PIP5K1C: variants seen among roughly 807,000 people sequenced by gnomAD.
PIP5K1C encodes phosphatidylinositol 4-phosphate 5-kinase type-1 gamma.
Under a neutral mutation model 80.1 loss-of-function variants are expected in PIP5K1C, and 45 were observed. That is an observed-to-expected ratio of 0.56 (90% CI 0.44 to 0.72). PIP5K1C has a LOEUF of 0.72. Ranked by LOEUF, PIP5K1C falls within the 30% of genes least tolerant of loss-of-function variation. The pLI is 0.00. For synonymous variants in PIP5K1C, 498 were observed against 420.1 expected (o/e 1.19, Z -2.27); for missense variants, 753 against 954.6 (o/e 0.79, Z 2.78).
At chr19:3,643,699 C>T (rs1181434452) in intron 12 of PIP5K1C, among the ~76,000 whole-genome samples, 2 of 150,848 alleles carry the variant, frequency 1.3e-5, no homozygotes, top group Non-Finnish European at 3.0e-5. Flanking sequence ...TTCCCCTCCG[C>T]GCTGCTTGGC....
Position 3,688,896 on chromosome 19 carries a change from T to C in PIP5K1C, c.94+11401A>G, listed in dbSNP as rs2035857703. Among the ~76,000 whole-genome samples the C allele has an allele frequency of 6.8e-6, 1 of 146,480 alleles. No individual in the cohort carries two copies. Among genetic ancestry groups the C allele is most frequent in the South Asian group, 2.4e-4 (1 of 4,190 alleles). ...GCCCCCGGTCCCCCTTCCAGCCTTGTCCCCAACACAGCCTGCAAATGGGCG... is the reference window on the plus strand; with the variant it reads ...GCCCCCGGTCCCCCTTCCAGCCTTGCCCCCAACACAGCCTGCAAATGGGCG... On this transcript the variant is annotated intron_variant, in intron 1 of 17. Transcript: ENST00000335312. The surrounding 1 kb of genome is among the most constrained non-coding windows in gnomAD (Gnocchi z 5.3).
chr19:3,647,629 C>T (rs1006263192), intron 9 of PIP5K1C, among the ~76,000 whole-genome samples: 6 of 152,132 alleles, frequency 3.9e-5, no homozygotes, highest in African/African-American at 7.2e-5. Flanking sequence ...TCCATAGTAC[C>T]GAGGGGGTGA....
intron 1 of PIP5K1C, among the ~76,000 whole-genome samples, chr19:3,677,118 A>G (rs1292432048): frequency 6.6e-6 from 1 of 151,914 alleles, no homozygotes; most frequent in Non-Finnish European, 1.5e-5. Context: ...AAAATAAAAT[A>G]AAATAAAATA....
chr19:3,633,518 G>A lies in PIP5K1C; in HGVS notation c.1923C>T (p.Pro641=). ...AGTACACCCAGCTCCTCTCATCGGTGGGCTGGCAGGTGGGCGCGCGTGCAG... is the reference window on the plus strand; with the variant it reads ...AGTACACCCAGCTCCTCTCATCGGTAGGCTGGCAGGTGGGCGCGCGTGCAG... ...EDAPATDIYF[P]TDERSWVYSP... The change falls in exon 17 of 18, where the codon CCC becomes CCT. Residue 641 remains proline (P), a splice_region_variant and synonymous_variant. Coordinates refer to ENST00000335312, the MANE Select transcript of PIP5K1C (RefSeq NM_012398.3). 6 of 1,493,888 alleles carry A rather than the reference G, an allele frequency of 4.0e-6. No homozygotes were observed. The highest frequency in any genetic ancestry group is 5.4e-6 in the Non-Finnish European group (6 of 1,116,736). 92.5% of individuals were successfully genotyped at this position (1,493,888 alleles called of 1,614,324 possible).
rs770747887 is a variant in PIP5K1C at position 3,648,724 on chromosome 19, G to A, written c.1128-16C>T. 7.5e-6 allele frequency: 12 copies of A among 1,609,234 alleles called. No homozygotes were observed. The highest frequency in any genetic ancestry group is 3.3e-4 in the Middle Eastern group (2 of 6,050). ...CCCGCCCATCCTGGGGAGAGAGGCC[G>A]AGGGTACCATCAGCATCCCGCAGAG... is the stretch of plus-strand genomic sequence containing the variant. On this transcript the variant is annotated splice_polypyrimidine_tract_variant and intron_variant, in intron 8 of 17. Coordinates refer to ENST00000335312, the MANE Select transcript of PIP5K1C (RefSeq NM_012398.3). The surrounding 1 kb of genome is among the most constrained non-coding windows in gnomAD (Gnocchi z 4.3).
chr19:3,635,770 G>A (rs1217256604), intron 16 of PIP5K1C, among the ~76,000 whole-genome samples: 3 of 152,172 alleles, frequency 2.0e-5, no homozygotes, highest in Non-Finnish European at 4.4e-5. Flanking sequence ...ACGAGGTCAG[G>A]AGATTGAGAC....
At chr19:3,643,449 T>C (rs1402932007) in intron 12 of PIP5K1C, 68 bp from the exon 13 acceptor site, 3 of 1,591,392 alleles carry the variant, frequency 1.9e-6, no homozygotes, top group Middle Eastern at 2.0e-4. Flanking sequence ...CGATTCTCCC[T>C]GAGGCTTGGC....
intron 16 of PIP5K1C, 127 bp from the exon 17 acceptor site, chr19:3,633,647 G>A (rs1026125716): frequency 1.7e-6 from 1 of 594,350 alleles, no homozygotes. Context: ...GAAGACGAGG[G>A]GTGGCTCAGC....
At chr19:3,633,832 G>C (rs1344031475) in intron 16 of PIP5K1C, among the ~76,000 whole-genome samples, 1 of 152,040 alleles carries the variant, frequency 6.6e-6, no homozygotes, top group Non-Finnish European at 1.5e-5. Context: ...TCGCGACCTG[G>C]AGCACCGAGT....
chr19:3,688,130 C>G lies in PIP5K1C; in HGVS notation c.94+12167G>C, dbSNP rs1203943155. ...GCGGGAGATCCTGATGGGCCCCGAG[C>G]TGAGGCTCCCGCAGCCAGGGTCTGC... On this transcript the variant is annotated intron_variant, in intron 1 of 17. Transcript: ENST00000335312. The surrounding 1 kb of genome is among the most constrained non-coding windows in gnomAD (Gnocchi z 5.3). 6.6e-6 allele frequency among the ~76,000 whole-genome samples: 1 copy of G among 152,158 alleles called. No individual in the cohort carries two copies. Among genetic ancestry groups the G allele is most frequent in the African/African-American group, 2.4e-5 (1 of 41,438 alleles).
chr19:3,638,939 G>A lies in PIP5K1C; in HGVS notation c.1865C>T (p.Ala622Val). 1.9e-6 allele frequency: 3 copies of A among 1,612,428 alleles called. No individual in the cohort carries two copies. The highest frequency in any genetic ancestry group is 1.1e-5 in the South Asian group (1 of 91,062). ...TASQASDEEGAPASQASDEED... is the reference protein window; with the variant it reads ...TASQASDEEGVPASQASDEED... ...CTCGTCCGAGGCCTGGCTGGCAGGT[G>A]CGCCCTCCTCGTCTGAGGCCTGGCT... Residue 622 changes from alanine (A) to valine (V), a missense_variant, in exon 16 of 18, where the codon GCA (alanine) becomes GTA (valine). Around this residue, in one of 6 missense-constraint regions of PIP5K1C, gnomAD observed 315 missense variants for 294.5 expected, o/e 1.07. Coordinates refer to ENST00000335312, the MANE Select transcript of PIP5K1C (RefSeq NM_012398.3).
At position 3,696,402 on chromosome 19, in the gene PIP5K1C, CA is replaced by C. The variant is rs1452299921; in HGVS notation, c.94+3894del. On this transcript the variant is annotated intron_variant, in intron 1 of 17. Transcript: ENST00000335312. This position sits in a 1 kb window ranked among gnomAD's most constrained non-coding sequence, Gnocchi z 4.1. The stretch of plus-strand genomic sequence containing the variant: ...AGGAGGAGATGGTCAGAAAACACGT[CA>C]GCAGAGCCATATGTTTCAGGTGGTG... Among the ~76,000 whole-genome samples the C allele has an allele frequency of 3.9e-5, 6 of 152,220 alleles. No homozygotes were observed. The highest frequency in any genetic ancestry group is 8.8e-5 in the Non-Finnish European group (6 of 68,044).
intron 1 of PIP5K1C, among the ~76,000 whole-genome samples, chr19:3,670,426 C>T (rs1412827199): frequency 6.6e-6 from 1 of 152,138 alleles, no homozygotes; most frequent in African/African-American, 2.4e-5. Context: ...GAGGGCACCA[C>T]TCCTCCAGGC....
chr19:3,636,697 A>G, intron 16 of PIP5K1C: 8 of 985,606 alleles, frequency 8.1e-6, no homozygotes, highest in Non-Finnish European at 9.6e-6. Context: ...TCTTGGGGTC[A>G]CTCCACAGTG....
chr19:3,697,366 G>A (rs1293598036), intron 1 of PIP5K1C, among the ~76,000 whole-genome samples: 1 of 151,730 alleles, frequency 6.6e-6, no homozygotes, highest in Non-Finnish European at 1.5e-5. Flanking sequence ...CCAGACAGAG[G>A]AGGACTGAGC....
intron 1 of PIP5K1C, among the ~76,000 whole-genome samples, chr19:3,677,752 G>A (rs1341525915): frequency 1.9e-5 from 2 of 107,268 alleles, no homozygotes; most frequent in East Asian, 2.4e-4. Flanking sequence ...GGGATGGAGG[G>A]AGGGATGGAG....
At position 3,651,843 on chromosome 19, in the gene PIP5K1C, G is replaced by A. The variant is rs1449786373; in HGVS notation, c.1110C>T (p.Ala370=). 3 of 1,611,876 alleles carry A rather than the reference G, an allele frequency of 1.9e-6. No individual in the cohort carries two copies. The highest frequency in any genetic ancestry group is 2.5e-6 in the Non-Finnish European group (3 of 1,179,816). Residue 370 remains alanine (A), a synonymous_variant, in exon 8 of 18, where the codon GCC becomes GCT. Transcript: ENST00000335312. The part of the protein sequence containing the change: ...SIQGGAARGE[A]IESDDTMGGI... ...CCACCTACGTGTCATCCGATTCGAT[G>A]GCCTCCCCGCGCGCGGCGCCACCCT...
At chr19:3,642,629 G>C (rs1019249145) in intron 14 of PIP5K1C, among the ~76,000 whole-genome samples, 1 of 152,100 alleles carries the variant, frequency 6.6e-6, no homozygotes, top group Non-Finnish European at 1.5e-5. Context: ...CGCATTTCAC[G>C]ATATTCCCTC....
intron 1 of PIP5K1C, among the ~76,000 whole-genome samples, chr19:3,678,767 G>A (rs1380271083): frequency 6.0e-5 from 8 of 133,638 alleles, no homozygotes; most frequent in Non-Finnish European, 1.3e-4. Flanking sequence ...TGGCGGGATG[G>A]CAGGACGGAG....
Sources: gnomAD v4.1 joint callset for allele counts (sites outside exome capture counted in the v4.1 genomes callset) on GRCh38, gnomAD v4.1.1 for gene constraint, gnomAD v4.1.1 regional missense constraint, Gnocchi (gnomAD v3.1) non-coding constraint, MANE v1.5 for transcripts, NCBI Gene and HGNC (gene_info 2026-07-23, HGNC 2026-07-21) for gene names.